PLXNA2: variants seen among roughly 807,000 people sequenced by gnomAD.
PLXNA2 encodes plexin-A2.
In PLXNA2, 91 loss-of-function variants were observed where a neutral mutation model predicts 193.5. The observed-to-expected ratio is 0.47, with a 90% CI of 0.40 to 0.56. The LOEUF is 0.56. PLXNA2 is among the 20% of genes least tolerant of loss of function. PLXNA2 has a pLI of 0.00. For missense variants in PLXNA2, 1,995 were observed against 2,503.2 expected (o/e 0.80, Z 4.33); for synonymous variants, 997 against 1,027.3 (o/e 0.97, Z 0.56).
chr1:208,088,305 C>T lies in PLXNA2; in HGVS notation c.2098-3725G>A, dbSNP rs75839030. On this transcript the variant is annotated intron_variant, in intron 9 of 31. Coordinates refer to ENST00000367033, the MANE Select transcript of PLXNA2 (RefSeq NM_025179.4). ...CACCTGTTCAGCTGTGCTCTGCCAGCGTTCTGTGCTGGGGACCCTTTAGCC... is the reference window on the plus strand; with the variant it reads ...CACCTGTTCAGCTGTGCTCTGCCAGTGTTCTGTGCTGGGGACCCTTTAGCC... Among the ~76,000 whole-genome samples the T allele has an allele frequency of 6.7e-3, 1,017 of 152,302 alleles. 13 individuals are homozygous for T. Among genetic ancestry groups the T allele is most frequent in the East Asian group, 0.04 (207 of 5,184 alleles).
rs575310738 is a variant in PLXNA2 at position 208,236,793 on chromosome 1, G to A, written c.-81+6850C>T. ...TCTAGTGGTTCTTTACATTGTGGAG[G>A]GGGCAAGAACTCCTTCTCTTCGGAA... On this transcript the variant is annotated intron_variant, in intron 1 of 31. Transcript: ENST00000367033. This position sits in a 1 kb window ranked among gnomAD's most constrained non-coding sequence, Gnocchi z 4.4. Among the ~76,000 whole-genome samples, 6 of 152,296 alleles carry A rather than the reference G, an allele frequency of 3.9e-5. No homozygotes were observed. In the South Asian group the frequency reaches 1.0e-3, roughly 26 times the overall value.
chr1:208,218,438 C>G (rs1270016633), intron 1 of PLXNA2, among the ~76,000 whole-genome samples: 2 of 152,184 alleles, frequency 1.3e-5, no homozygotes, highest in Admixed American at 6.5e-5. Context: ...GGCCCTCCCC[C>G]AGGCTCTCCA....
chr1:208,067,682 T>C lies in PLXNA2; in HGVS notation c.2587-6845A>G, dbSNP rs139646599. Among the ~76,000 whole-genome samples, 4 of 152,332 alleles carry C rather than the reference T, an allele frequency of 2.6e-5. No individual in the cohort carries two copies. The East Asian group carries it at 7.7e-4, about 29-fold the overall frequency. ...GGTGTTCAGGACCAGTCACATGCAG[T>C]ACAGGTTTGCAGCCTAGGTGTGTAG... On this transcript the variant is annotated intron_variant, in intron 12 of 31. Transcript: ENST00000367033.
At chr1:208,229,276 G>T (rs148816202) in intron 1 of PLXNA2, among the ~76,000 whole-genome samples, 1 of 152,162 alleles carries the variant, frequency 6.6e-6, no homozygotes, top group Non-Finnish European at 1.5e-5. Flanking sequence ...CTACATTGCA[G>T]CATTGAGCTG....
chr1:208,032,802 G>A (rs1664543370), intron 28 of PLXNA2, among the ~76,000 whole-genome samples: 1 of 152,102 alleles, frequency 6.6e-6, no homozygotes, highest in Non-Finnish European at 1.5e-5. Context: ...GCCAGAAAGG[G>A]GATAGAAAGG....
chr1:208,187,173 A>T lies in PLXNA2; in HGVS notation c.1371+23107T>A, dbSNP rs140285799. Among the ~76,000 whole-genome samples the T allele has an allele frequency of 8.3e-4, 127 of 152,278 alleles. 2 individuals carry two copies. Among genetic ancestry groups the T allele is most frequent in the Non-Finnish European group, 1.5e-3 (103 of 68,004 alleles). On this transcript the variant is annotated intron_variant, in intron 3 of 31. Transcript: ENST00000367033. ...CAAATATCTTAGCTCCTCACTCAGC[A>T]TCTACCACTTTCTTCTTTATTGTTA...
intron 3 of PLXNA2, among the ~76,000 whole-genome samples, chr1:208,191,908 C>T (rs542880747): frequency 6.6e-6 from 1 of 152,156 alleles, no homozygotes; most frequent in South Asian, 2.1e-4. Context: ...CACAAAGCCC[C>T]GAGGTGAGAA....
intron 1 of PLXNA2, among the ~76,000 whole-genome samples, chr1:208,218,795 G>A (rs985363958): frequency 6.6e-6 from 1 of 152,244 alleles, no homozygotes; most frequent in African/African-American, 2.4e-5. Flanking sequence ...TTCTCAAGGT[G>A]GACGCCCAGC....
intron 3 of PLXNA2, among the ~76,000 whole-genome samples, chr1:208,158,549 A>C (rs1289075535): frequency 1.3e-5 from 2 of 152,124 alleles, no homozygotes; most frequent in Non-Finnish European, 2.9e-5. Flanking sequence ...CCAAACCTGG[A>C]CTTTCATTCT....
At chr1:208,111,907 C>T (rs1558198035) in intron 4 of PLXNA2, among the ~76,000 whole-genome samples, 2 of 152,172 alleles carry the variant, frequency 1.3e-5, no homozygotes, top group African/African-American at 2.4e-5. Context: ...CTGGAGGTTC[C>T]GGAGACTGTG....
intron 3 of PLXNA2, among the ~76,000 whole-genome samples, chr1:208,183,607 A>AGGGGGGGGGG (rs367756173): frequency 1.9e-5 from 2 of 105,270 alleles, no homozygotes; most frequent in African/African-American, 7.4e-5. Flanking sequence ...AGAGAGGGAG[A>AGGGGGGGGGG]GGGGGGGGTC....
intron 4 of PLXNA2, among the ~76,000 whole-genome samples, chr1:208,121,562 C>T (rs1177196345): frequency 6.6e-6 from 1 of 152,060 alleles, no homozygotes; most frequent in East Asian, 1.9e-4. Flanking sequence ...TGGCATTCCC[C>T]CTACTGGCAC....
rs887443478 is a variant in PLXNA2, at chr1:208,244,186, G to T, written c.-624C>A. On this transcript the variant is annotated 5_prime_UTR_variant, in exon 1 of 32. Transcript: ENST00000367033. ...GCCCTACCGCTCCCAAGCTCTCGGG[G>T]TCTCTCTCCGGATCGCTCGCCCTCT... 1.1e-4 allele frequency: 18 copies of T among 157,306 alleles called. No individual in the cohort carries two copies. The highest frequency in any genetic ancestry group is 4.3e-4 in the African/African-American group (18 of 41,464). 9.7% of individuals were successfully genotyped at this position (157,306 alleles called of 1,614,324 possible).
At chr1:208,135,925 G>C (rs928423653) in intron 4 of PLXNA2, among the ~76,000 whole-genome samples, 1 of 152,142 alleles carries the variant, frequency 6.6e-6, no homozygotes, top group Non-Finnish European at 1.5e-5. Flanking sequence ...ACAAAAAGGC[G>C]ATGCAATTTC....
intron 17 of PLXNA2, among the ~76,000 whole-genome samples, chr1:208,046,966 T>G (rs1371996121): frequency 6.6e-6 from 1 of 152,096 alleles, no homozygotes; most frequent in Non-Finnish European, 1.5e-5. Context: ...TGTTTTTTGT[T>G]TTTTTGTTTT....
intron 3 of PLXNA2, among the ~76,000 whole-genome samples, chr1:208,147,125 C>T (rs1312690990): frequency 3.3e-5 from 5 of 152,132 alleles, no homozygotes; most frequent in South Asian, 4.1e-4. Flanking sequence ...CAAGATCAAG[C>T]GATCCTCCTA....
chr1:208,080,458 CA>C (rs1426833220), intron 11 of PLXNA2, among the ~76,000 whole-genome samples: 1 of 152,142 alleles, frequency 6.6e-6, no homozygotes, highest in African/African-American at 2.4e-5. Context: ...TCTCCAAAAG[CA>C]AAACACGTAA....
chr1:208,237,720 C>A (rs1229675607), intron 1 of PLXNA2, among the ~76,000 whole-genome samples: 1 of 152,184 alleles, frequency 6.6e-6, no homozygotes, highest in Non-Finnish European at 1.5e-5. Flanking sequence ...AAAGCAAAGG[C>A]TTTGAGGAGC....
Position 208,060,876 on chromosome 1 carries a change from A to T in PLXNA2, c.2587-39T>A, listed in dbSNP as rs759825225. 4 of 1,604,710 alleles carry T rather than the reference A, an allele frequency of 2.5e-6. No individual in the cohort carries two copies. The Admixed American group carries it at 6.7e-5, about 27-fold the overall frequency. ...ATGGGATTAGCAATTTGGTTTGGTC[A>T]CAGGAACAGAAACAGCAGCACCCTT... On this transcript the variant is annotated intron_variant, in intron 12 of 31. Coordinates refer to ENST00000367033, the MANE Select transcript of PLXNA2 (RefSeq NM_025179.4).
Sources: allele counts gnomAD v4.1 joint callset (sites outside exome capture counted in the v4.1 genomes callset), GRCh38; gene constraint gnomAD v4.1.1; non-coding constraint Gnocchi (gnomAD v3.1); transcripts MANE v1.5; gene names NCBI Gene and HGNC (gene_info 2026-07-23, HGNC 2026-07-21).